The following VTI1A variants were observed in gnomAD, a reference collection of about 807,000 sequenced individuals.
VTI1A encodes the protein vesicle transport through interaction with t-SNAREs homolog 1A.
VTI1A carries 22 observed loss-of-function variants against 34.9 expected under a neutral mutation model. That is an observed-to-expected ratio of 0.63 (90% CI 0.45 to 0.90). The LOEUF (loss-of-function observed/expected upper bound fraction) is 0.90. Among genes scored for constraint, VTI1A ranks in the 40% least tolerant of loss-of-function variants. The pLI is 0.00. For synonymous variants in VTI1A, 87 were observed against 97.3 expected (o/e 0.89, Z 0.62); for missense variants, 268 against 275.6 (o/e 0.97, Z 0.20).
At chr10:112,820,126 G>A (rs540899660), downstream of VTI1A, among the ~76,000 whole-genome samples, 50 of 152,330 alleles carry the variant, frequency 3.3e-4, no homozygotes, top group African/African-American at 1.1e-3. Flanking sequence ...TACTATGGGC[G>A]TAGGAACAGC....
intron 7 of VTI1A, among the ~76,000 whole-genome samples, chr10:112,775,061 C>T (rs1851923301): frequency 6.6e-6 from 1 of 152,204 alleles, no homozygotes; most frequent in Admixed American, 6.5e-5. Context: ...GAACGTCGGT[C>T]AGTTAGCTGA....
At chr10:112,836,883 C>T in the VTI1A span, among the ~76,000 whole-genome samples, 1 of 152,172 alleles carries the variant, frequency 6.6e-6, no homozygotes, top group African/African-American at 2.4e-5. Flanking sequence ...GTAAATAAAC[C>T]ATCTCGGAAG....
chr10:112,463,938 C>T (rs1189462560), intron 2 of VTI1A, among the ~76,000 whole-genome samples: 14 of 152,128 alleles, frequency 9.2e-5, no homozygotes. Flanking sequence ...ATGGGCTATT[C>T]CAAGTATATT....
At position 112,447,456 on chromosome 10, in the gene VTI1A, G is replaced by A. The variant is rs1427391500; in HGVS notation, c.83G>A (p.Arg28Gln). The part of the protein sequence containing the change: ...EITSKIARVP[R>Q]LPPDEKKQMV... ...ACCAGCAAGATTGCGAGGGTCCCAC[G>A]ACTCCCGCCTGGTGAGAGCCTTGCC... Residue 28 changes from arginine (R) to glutamine (Q), a missense_variant, in exon 1 of 8, where the codon CGA (arginine) becomes CAA (glutamine). By Grantham distance (43) the Arg-to-Gln change is conservative. Transcript: ENST00000393077. The A allele has an allele frequency of 6.2e-7, 1 of 1,613,450 alleles. No homozygotes were observed. Among genetic ancestry groups the A allele is most frequent in the East Asian group, 2.2e-5 (1 of 44,870 alleles).
At chr10:112,568,166 A>AT (rs397743726) in intron 5 of VTI1A, among the ~76,000 whole-genome samples, 1 of 151,242 alleles carries the variant, frequency 6.6e-6, no homozygotes, top group Non-Finnish European at 1.5e-5. Context: ...AGAAAAAAAA[A>AT]TAAGTTTGTG....
rs188287177 is a variant in VTI1A at position 112,796,124 on chromosome 10, C to T, written c.561-19166C>T. On this transcript the variant is annotated intron_variant, in intron 7 of 7. Transcript: ENST00000393077. ...ATCTAAAAGCTGTCACGGGGCCACG[C>T]GCGGTGGCTGCCCCCTGTAGTCCCA... 4.6e-3 allele frequency among the ~76,000 whole-genome samples: 695 copies of T among 152,230 alleles called. 5 individuals are homozygous for T. The Middle Eastern group carries it at 0.061, about 13-fold the overall frequency.
In VTI1A at chr10:112,817,284, C is replaced by A. The variant is rs547828087; in HGVS notation, c.*1901C>A. On this transcript the variant is annotated 3_prime_UTR_variant, in exon 8 of 8. Coordinates refer to ENST00000393077, the MANE Select transcript of VTI1A (RefSeq NM_145206.4). ...CTGCACTTCGCACGGCCATCCCGTCCACAATGCAGCAGACTCTTCCCAAGG... is the reference window on the plus strand; with the variant it reads ...CTGCACTTCGCACGGCCATCCCGTCAACAATGCAGCAGACTCTTCCCAAGG... 1 of 232,508 alleles carries A rather than the reference C, an allele frequency of 4.3e-6. No individual in the cohort carries two copies. Among genetic ancestry groups the A allele is most frequent in the Admixed American group, 5.6e-5 (1 of 17,776 alleles). The allele number at this position is 232,508 out of a possible 1,614,324, so 14.4% of individuals were successfully genotyped here.
At chr10:112,812,367 C>T (rs559971148) in intron 7 of VTI1A, among the ~76,000 whole-genome samples, 2 of 152,344 alleles carry the variant, frequency 1.3e-5, no homozygotes, top group South Asian at 2.1e-4. Flanking sequence ...CAAGTTCCTT[C>T]GCTGCCATCT....
chr10:112,485,799 T>C (rs1251375293), intron 3 of VTI1A, among the ~76,000 whole-genome samples: 1 of 152,248 alleles, frequency 6.6e-6, no homozygotes, highest in East Asian at 1.9e-4. Flanking sequence ...TCAAAGTTTT[T>C]ATTATTTTTT....
chr10:112,592,033 C>A (rs181463867), intron 5 of VTI1A, among the ~76,000 whole-genome samples: 1 of 152,160 alleles, frequency 6.6e-6, no homozygotes, highest in Admixed American at 6.5e-5. Context: ...GACAATGTGA[C>A]GTGGAAGGTA....
intron 5 of VTI1A, among the ~76,000 whole-genome samples, chr10:112,620,115 A>G (rs1179920378): frequency 6.6e-6 from 1 of 152,214 alleles, no homozygotes; most frequent in Non-Finnish European, 1.5e-5. Context: ...AACTTTGTGT[A>G]ATATTAACAG....
chr10:112,471,580 A>C (rs973319893), intron 3 of VTI1A, among the ~76,000 whole-genome samples: 8 of 151,802 alleles, frequency 5.3e-5, no homozygotes, highest in Admixed American at 1.3e-4. Context: ...GTAACTAAGC[A>C]CCCGTTTTAA....
chr10:112,724,509 A>G (rs1564900153), intron 7 of VTI1A, among the ~76,000 whole-genome samples: 1 of 152,122 alleles, frequency 6.6e-6, no homozygotes, highest in Non-Finnish European at 1.5e-5. Flanking sequence ...TCCTCCAACC[A>G]ATCAGAAAGC....
At chr10:112,779,308 CAAAG>C (rs1852044641) in intron 7 of VTI1A, among the ~76,000 whole-genome samples, 1 of 152,170 alleles carries the variant, frequency 6.6e-6, no homozygotes, top group Non-Finnish European at 1.5e-5. Flanking sequence ...GCTAAGAAGT[CAAAG>C]GAAGTGGTGT....
Position 112,678,912 on chromosome 10 carries a change from C to A in VTI1A, c.560+9914C>A, listed in dbSNP as rs187356240. 4.5e-4 allele frequency among the ~76,000 whole-genome samples: 68 copies of A among 152,270 alleles called. No homozygotes were observed. The East Asian group carries it at 9.8e-3, about 22-fold the overall frequency. ...AAGGGGATTTCATCATCTTGCAGGGCAAGAAAACCTTGTAATGCTGACAAT... is the reference window on the plus strand; with the variant it reads ...AAGGGGATTTCATCATCTTGCAGGGAAAGAAAACCTTGTAATGCTGACAAT... On this transcript the variant is annotated intron_variant, in intron 7 of 7. Transcript: ENST00000393077.
intron 5 of VTI1A, among the ~76,000 whole-genome samples, chr10:112,544,606 ACCCT>A (rs778887378): frequency 7.3e-5 from 11 of 151,008 alleles, no homozygotes; most frequent in Non-Finnish European, 1.3e-4. Flanking sequence ...ACATAGCAAG[ACCCT>A]GTCCCCCGCC....
At chr10:112,639,622 C>G (rs1846491035) in intron 5 of VTI1A, among the ~76,000 whole-genome samples, 1 of 152,086 alleles carries the variant, frequency 6.6e-6, no homozygotes, top group Non-Finnish European at 1.5e-5. Context: ...CATTTAAGAG[C>G]TCTAGAACAG....
intron 5 of VTI1A, among the ~76,000 whole-genome samples, chr10:112,619,385 C>G (rs1185009715): frequency 6.6e-6 from 1 of 152,044 alleles, no homozygotes; most frequent in Non-Finnish European, 1.5e-5. Flanking sequence ...ACCTGGAGGT[C>G]TGGGTGGGGA....
rs576572540 is a variant in VTI1A, at chr10:112,687,640, T to G, written c.560+18642T>G. ...AATATGTCTTGTCAAGATATTATTT[T>G]GTAACATTTTCAGAATGAAACCCAT... On this transcript the variant is annotated intron_variant, in intron 7 of 7. Coordinates refer to ENST00000393077, the MANE Select transcript of VTI1A (RefSeq NM_145206.4). Among the ~76,000 whole-genome samples the G allele has an allele frequency of 7.2e-5, 11 of 152,278 alleles. No homozygotes were observed. In the South Asian group the frequency reaches 2.1e-3, roughly 29 times the overall value.
Sources: allele counts gnomAD v4.1 joint callset (sites outside exome capture counted in the v4.1 genomes callset), GRCh38; gene constraint gnomAD v4.1.1; transcripts MANE v1.5; gene names NCBI Gene and HGNC (gene_info 2026-07-23, HGNC 2026-07-21).